C8orf34: variants seen among roughly 807,000 people sequenced by gnomAD.
C8orf34 encodes the protein chromosome 8 open reading frame 34, also known as uncharacterized protein C8orf34.
A neutral mutation model predicts 68.3 loss-of-function variants in C8orf34; 65 were observed. The ratio of observed to expected loss-of-function variants is 0.95; its 90% CI spans 0.78 to 1.17. C8orf34 has a LOEUF of 1.17. Among genes scored for constraint, C8orf34 ranks in the 50% most tolerant of loss-of-function variants. The probability of loss-of-function intolerance (pLI) is 0.00; values close to 1 mark genes in which losing one functional copy is unlikely to be tolerated. For missense variants in C8orf34, 664 were observed against 655.4 expected, an observed-to-expected ratio of 1.01 and a Z score of -0.14; for synonymous variants, 244 against 241.2, an observed-to-expected ratio of 1.01 and a Z score of -0.11.
chr8:68,765,337 C>T (rs1823141331), intron 10 of C8orf34, among the ~76,000 whole-genome samples: 1 of 152,222 alleles, frequency 6.6e-6, no homozygotes, highest in African/African-American at 2.4e-5. Context: ...TGTCCTCTTA[C>T]TTTTCTAGGT....
At chr8:68,433,835 A>G (rs1810546494) in intron 1 of C8orf34, among the ~76,000 whole-genome samples, 1 of 152,236 alleles carries the variant, frequency 6.6e-6, no homozygotes, top group Admixed American at 6.5e-5. Flanking sequence ...AAGTGAGTCT[A>G]TGATGAGTTA....
At chr8:68,625,330 C>G (rs1233954975) in intron 7 of C8orf34, 2 of 397,748 alleles carry the variant, frequency 5.0e-6, no homozygotes, top group African/African-American at 2.1e-5. Flanking sequence ...TAAGTTTTCT[C>G]TTATCACCAA....
intron 7 of C8orf34, among the ~76,000 whole-genome samples, chr8:68,604,804 G>A (rs752421201): frequency 2.6e-5 from 4 of 151,918 alleles, no homozygotes; most frequent in African/African-American, 4.8e-5. Context: ...TGGTGATAAC[G>A]TTTTGATACA....
intron 1 of C8orf34, among the ~76,000 whole-genome samples, chr8:68,408,478 C>T (rs1443330414): frequency 6.6e-6 from 1 of 152,102 alleles, no homozygotes; most frequent in Non-Finnish European, 1.5e-5. Flanking sequence ...ACTGCTGCCA[C>T]TGAGGATCCC....
chr8:68,758,194 C>T (rs757697400), intron 10 of C8orf34, among the ~76,000 whole-genome samples: 3 of 152,188 alleles, frequency 2.0e-5, no homozygotes, highest in African/African-American at 7.2e-5. Context: ...GTCTAGGATG[C>T]CCACTGCTAG....
At chr8:68,552,040 C>A (rs758432991) in intron 7 of C8orf34, among the ~76,000 whole-genome samples, 1 of 152,048 alleles carries the variant, frequency 6.6e-6, no homozygotes, top group Non-Finnish European at 1.5e-5. Flanking sequence ...ATTGACCATA[C>A]ATGTTTGAGT....
Position 68,787,322 on chromosome 8 carries a change from A to G in C8orf34, c.1456-121A>G, listed in dbSNP as rs1823871921. ...TAAAGTTAGAGCTCTCCTTTTTTTA[A>G]TGAGGAAATTATTCTGATGGTTTTT... is the stretch of plus-strand genomic sequence containing the variant. On this transcript the variant is annotated intron_variant, in intron 11 of 13. Coordinates refer to ENST00000518698, the MANE Select transcript of C8orf34 (RefSeq NM_052958.4). 5.2e-6 allele frequency: 3 copies of G among 578,686 alleles called. No homozygotes were observed. In the Admixed American group the frequency reaches 9.9e-5, roughly 19 times the overall value. 35.8% of individuals were successfully genotyped at this position (578,686 alleles called of 1,614,324 possible).
intron 1 of C8orf34, among the ~76,000 whole-genome samples, chr8:68,430,696 G>A (rs778675628): frequency 1.1e-4 from 17 of 152,110 alleles, no homozygotes; most frequent in Non-Finnish European, 2.2e-4. Flanking sequence ...AATGGTCCTT[G>A]TGAATGAGGA....
rs559741941 is a variant in C8orf34 at position 68,616,072 on chromosome 8, T to G, written c.1106-24304T>G. ...ATTTCTTCTAGATTTTCTAGTTTAT[T>G]TGTGTAGAGGTGTTTGTAGTATTCT... On this transcript the variant is annotated intron_variant, in intron 7 of 13. Transcript: ENST00000518698. Among the ~76,000 whole-genome samples the G allele has an allele frequency of 3.0e-3, 461 of 151,566 alleles. 4 individuals are homozygous for G. Among genetic ancestry groups the G allele is most frequent in the African/African-American group, 0.01 (425 of 40,968 alleles).
At chr8:68,497,348 C>T (rs918559771) in intron 5 of C8orf34, among the ~76,000 whole-genome samples, 5 of 152,164 alleles carry the variant, frequency 3.3e-5, no homozygotes, top group Non-Finnish European at 7.3e-5. Flanking sequence ...ACAAAAATCC[C>T]CATTTGTCAG....
intron 7 of C8orf34, among the ~76,000 whole-genome samples, chr8:68,555,468 G>A (rs1349882946): frequency 2.0e-5 from 3 of 151,986 alleles, no homozygotes; most frequent in East Asian, 3.9e-4. Flanking sequence ...TAACGTACAT[G>A]TCTTGCAGCT....
intron 1 of C8orf34, among the ~76,000 whole-genome samples, chr8:68,393,427 G>A (rs1045522406): frequency 6.6e-6 from 1 of 152,130 alleles, no homozygotes; most frequent in African/African-American, 2.4e-5. Flanking sequence ...ACAGATCAGT[G>A]AATAATGAGG....
chr8:68,515,571 G>T (rs1814476254), intron 5 of C8orf34, among the ~76,000 whole-genome samples: 1 of 152,002 alleles, frequency 6.6e-6, no homozygotes, highest in South Asian at 2.1e-4. Context: ...TGCAAACAAA[G>T]TTGAAACTTA....
At chr8:68,611,855 G>A (rs1341337715) in intron 7 of C8orf34, among the ~76,000 whole-genome samples, 2 of 152,092 alleles carry the variant, frequency 1.3e-5, no homozygotes, top group African/African-American at 4.8e-5. Context: ...AGTGAGCAGT[G>A]GCCCCCAAGA....
At chr8:68,490,989 T>TA (rs1419058684) in intron 5 of C8orf34, among the ~76,000 whole-genome samples, 1 of 152,210 alleles carries the variant, frequency 6.6e-6, no homozygotes, top group Non-Finnish European at 1.5e-5. Flanking sequence ...GTCTTTAATG[T>TA]AACAGTAAAT....
chr8:68,718,865 A>G (rs765205478), intron 9 of C8orf34, among the ~76,000 whole-genome samples: 1 of 152,178 alleles, frequency 6.6e-6, no homozygotes, highest in Non-Finnish European at 1.5e-5. Flanking sequence ...TTCTGGTAAA[A>G]TTACTTTATC....
At chr8:68,591,779 T>C (rs1817395821) in intron 7 of C8orf34, among the ~76,000 whole-genome samples, 1 of 152,212 alleles carries the variant, frequency 6.6e-6, no homozygotes, top group South Asian at 2.1e-4. Context: ...ATACATGCTA[T>C]ATTTTGCATT....
chr8:68,387,687 C>T (rs781121180), intron 1 of C8orf34, among the ~76,000 whole-genome samples: 10 of 151,970 alleles, frequency 6.6e-5, no homozygotes, highest in Non-Finnish European at 1.2e-4. Context: ...AGAAAAAAAC[C>T]TCGTAGAAAA....
intron 1 of C8orf34, among the ~76,000 whole-genome samples, chr8:68,353,626 T>TTA (rs200261409): frequency 0.018 from 2,316 of 128,252 alleles, 61 homozygotes; most frequent in African/African-American, 0.058. Context: ...ATACAGTTGA[T>TTA]TATATATATA....
Sources: gnomAD v4.1 joint callset for allele counts (sites outside exome capture counted in the v4.1 genomes callset) on GRCh38, gnomAD v4.1.1 for gene constraint, MANE v1.5 for transcripts, NCBI Gene and HGNC (gene_info 2026-07-23, HGNC 2026-07-21) for gene names.